Variants in F13A1 observed in about 807,000 individuals in gnomAD.
F13A1 encodes the protein FSF, A subunit.
A neutral mutation model predicts 80.1 loss-of-function variants in F13A1; 47 were observed. The ratio of observed to expected loss-of-function variants is 0.59; its 90% CI spans 0.46 to 0.75. F13A1 has a LOEUF of 0.75. Ranked by LOEUF, F13A1 falls within the 30% of genes least tolerant of loss-of-function variation. F13A1 has a pLI of 0.00. For missense variants in F13A1, 817 were observed against 930.4 expected (o/e 0.88, Z 1.59); for synonymous variants, 349 against 344.9 (o/e 1.01, Z -0.13).
chr6:6,280,619 G>A (rs1394257501), intron 3 of F13A1, among the ~76,000 whole-genome samples: 2 of 152,190 alleles, frequency 1.3e-5, no homozygotes, highest in South Asian at 2.1e-4. Context: ...GACCACGGAT[G>A]TAGCTGAAAC....
chr6:6,188,244 T>C (rs1273248823), intron 10 of F13A1, among the ~76,000 whole-genome samples: 2 of 152,008 alleles, frequency 1.3e-5, no homozygotes, highest in Non-Finnish European at 2.9e-5. Context: ...CTGATTTTAG[T>C]TATTTCTTGC....
intron 8 of F13A1, among the ~76,000 whole-genome samples, chr6:6,210,647 G>C (rs914016117): frequency 6.6e-6 from 1 of 151,926 alleles, no homozygotes; most frequent in Admixed American, 6.6e-5. Flanking sequence ...ACCTGCCTCA[G>C]CCTCCTAAAT....
intron 10 of F13A1, among the ~76,000 whole-genome samples, chr6:6,192,335 A>AG (rs887577177): frequency 2.2e-4 from 34 of 152,244 alleles, no homozygotes; most frequent in African/African-American, 7.2e-4. Flanking sequence ...AAGGAGCAAG[A>AG]GGGGGATCAG....
At chr6:6,161,545 T>A (rs1396016970) in intron 13 of F13A1, among the ~76,000 whole-genome samples, 2 of 150,964 alleles carry the variant, frequency 1.3e-5, no homozygotes, top group African/African-American at 4.9e-5. Context: ...TGTGTGTGTG[T>A]GTGTGTGAGA....
Position 6,230,720 on chromosome 6 carries a change from G to A in F13A1, c.799-5860C>T, listed in dbSNP as rs553085901. ...CCCTGCCACCTCCACCGGAATAGGCGCTATTCCGGTGGCTGAGAGGGACCC... is the reference window on the plus strand; with the variant it reads ...CCCTGCCACCTCCACCGGAATAGGCACTATTCCGGTGGCTGAGAGGGACCC... On this transcript the variant is annotated intron_variant, in intron 6 of 14. Coordinates refer to ENST00000264870, the MANE Select transcript of F13A1 (RefSeq NM_000129.4). Among the ~76,000 whole-genome samples, 12 of 152,282 alleles carry A rather than the reference G, an allele frequency of 7.9e-5. No individual in the cohort carries two copies. In the South Asian group the frequency reaches 1.5e-3, roughly 18 times the overall value.
chr6:6,305,500 C>G lies in F13A1; in HGVS notation c.170G>C (p.Arg57Thr). ...GTGGTCCACCTTGTTAGTGTCCCATCTCTCCTTGAACAGGTGAACGCTCGT... is the reference window on the plus strand; with the variant it reads ...GTGGTCCACCTTGTTAGTGTCCCATGTCTCCTTGAACAGGTGAACGCTCGT... ...NVTSVHLFKE[R>T]WDTNKVDHHT... Residue 57 changes from arginine to threonine, a missense_variant, in exon 3 of 15, where the codon AGA becomes ACA. Physicochemically the swap from Arg to Thr is moderately conservative, Grantham distance 71. Coordinates refer to ENST00000264870, the MANE Select transcript of F13A1 (RefSeq NM_000129.4). 1.2e-6 allele frequency: 2 copies of G among 1,614,242 alleles called. No homozygotes were observed. Among genetic ancestry groups the G allele is most frequent in the Non-Finnish European group, 1.7e-6 (2 of 1,180,050 alleles).
In F13A1 at chr6:6,318,679, G is replaced by T. The variant is rs749555320; in HGVS notation, c.-15C>A. On this transcript the variant is annotated 5_prime_UTR_variant, in exon 2 of 15. Transcript: ENST00000264870. ...GTTTCTGACATTTTTGACTTTACAA[G>T]GTCCTTCAGAAAAAAAAAAAAAAGA... 1 of 1,559,198 alleles carries T rather than the reference G, an allele frequency of 6.4e-7. No homozygotes were observed. Among genetic ancestry groups the T allele is most frequent in the Non-Finnish European group, 8.6e-7 (1 of 1,161,544 alleles).
intron 4 of F13A1, among the ~76,000 whole-genome samples, chr6:6,253,162 AAGAG>A (rs60495036): frequency 0.039 from 4,107 of 106,028 alleles, 212 homozygotes; most frequent in African/African-American, 0.12. Context: ...AAAAAAAAAA[AAGAG>A]AGAGAGAGAG....
chr6:6,180,064 C>T (rs190059051), intron 11 of F13A1, among the ~76,000 whole-genome samples: 43 of 152,302 alleles, frequency 2.8e-4, no homozygotes, highest in African/African-American at 9.9e-4. Context: ...GTGGACAGCT[C>T]GCTTCCTGCT....
chr6:6,283,732 G>A (rs139325079), intron 3 of F13A1, among the ~76,000 whole-genome samples: 141 of 151,786 alleles, frequency 9.3e-4, no homozygotes, highest in African/African-American at 3.0e-3. Context: ...ATTTTTGAAC[G>A]AACTTTGTGT....
chr6:6,251,457 G>A (rs1757632127), intron 4 of F13A1, among the ~76,000 whole-genome samples: 1 of 152,162 alleles, frequency 6.6e-6, no homozygotes, highest in African/African-American at 2.4e-5. Flanking sequence ...AGATACTTGT[G>A]AATGTGCAAG....
chr6:6,242,899 A>G (rs1319579889), intron 6 of F13A1, among the ~76,000 whole-genome samples: 2 of 152,212 alleles, frequency 1.3e-5, no homozygotes, highest in Non-Finnish European at 2.9e-5. Context: ...TTGCTTTCCC[A>G]TACAACCCTA....
At chr6:6,316,071 G>A (rs1250185536) in intron 2 of F13A1, among the ~76,000 whole-genome samples, 1 of 92,432 alleles carries the variant, frequency 1.1e-5, no homozygotes, top group African/African-American at 4.1e-5. Flanking sequence ...GCTGCTATGT[G>A]TGTGTGCATA....
At chr6:6,280,764 T>C (rs1022195143) in intron 3 of F13A1, among the ~76,000 whole-genome samples, 1 of 152,250 alleles carries the variant, frequency 6.6e-6, no homozygotes, top group East Asian at 1.9e-4. Flanking sequence ...CCTCTGGTCA[T>C]GTGTTCCCCA....
chr6:6,210,718 T>A (rs1281734865), intron 8 of F13A1, among the ~76,000 whole-genome samples: 1 of 150,576 alleles, frequency 6.6e-6, no homozygotes, highest in Non-Finnish European at 1.5e-5. Context: ...AATAAGGATG[T>A]TAATTATTTT....
chr6:6,199,190 T>C (rs1289860345), intron 8 of F13A1, among the ~76,000 whole-genome samples: 3 of 152,322 alleles, frequency 2.0e-5, no homozygotes, highest in East Asian at 3.9e-4. Flanking sequence ...CCTAGCACCC[T>C]ATAAGAACAG....
At chr6:6,305,051 G>GT (rs1758492513) in intron 3 of F13A1, 8 of 443,938 alleles carry the variant, frequency 1.8e-5, no homozygotes, top group Admixed American at 6.9e-5. Flanking sequence ...GGAGATAAAA[G>GT]TTAGAATCAT....
In F13A1 at chr6:6,301,244, C is replaced by G. The variant is rs549617735; in HGVS notation, c.319+4107G>C. On this transcript the variant is annotated intron_variant, in intron 3 of 14. Coordinates refer to ENST00000264870, the MANE Select transcript of F13A1 (RefSeq NM_000129.4). Reference sequence around the variant, plus strand: ...CTATGGCAGCCATGAAGTTGAGGCTCTCATGTAACTTCCTGAATGATGTGA... The same window carrying G: ...CTATGGCAGCCATGAAGTTGAGGCTGTCATGTAACTTCCTGAATGATGTGA... Among the ~76,000 whole-genome samples the G allele has an allele frequency of 1.1e-4, 17 of 152,296 alleles. No individual in the cohort carries two copies. The South Asian group carries it at 3.3e-3, about 30-fold the overall frequency.
At chr6:6,191,546 G>T (rs1353874959) in intron 10 of F13A1, among the ~76,000 whole-genome samples, 1 of 152,148 alleles carries the variant, frequency 6.6e-6, no homozygotes, top group African/African-American at 2.4e-5. Flanking sequence ...CAGTAAAGGT[G>T]GGGTGGAAAG....
Sources: gnomAD v4.1 joint callset for allele counts (sites outside exome capture counted in the v4.1 genomes callset) on GRCh38, gnomAD v4.1.1 for gene constraint, MANE v1.5 for transcripts, NCBI Gene and HGNC (gene_info 2026-07-23, HGNC 2026-07-21) for gene names.